Variants in MDGA2 observed in about 807,000 individuals in gnomAD.
The protein encoded by MDGA2 is MAM domain containing glycosylphosphatidylinositol anchor 2.
In MDGA2, 40 loss-of-function variants were observed where a neutral mutation model predicts 117.8. The observed-to-expected ratio is 0.34, with a 90% confidence interval of 0.26 to 0.44. MDGA2 has a LOEUF of 0.44. Among genes scored for constraint, MDGA2 ranks in the 20% least tolerant of loss-of-function variants. MDGA2 has a pLI of 1.00. For missense variants in MDGA2, 1,123 were observed against 1,250.6 expected (o/e 0.90, Z 1.54); for synonymous variants, 452 against 439.0 (o/e 1.03, Z -0.37).
chr14:47,644,147 G>A (rs1264702113), intron 1 of MDGA2, among the ~76,000 whole-genome samples: 1 of 152,058 alleles, frequency 6.6e-6, no homozygotes, highest in African/African-American at 2.4e-5. Context: ...CAGAATAATG[G>A]CCCCCAAAGA....
chr14:47,096,548 T>C (rs1879979585), intron 6 of MDGA2, among the ~76,000 whole-genome samples: 1 of 152,022 alleles, frequency 6.6e-6, no homozygotes. Flanking sequence ...GTGAATGTTT[T>C]ATGCTGCAAG....
chr14:47,320,088 C>A (rs1281539821), intron 1 of MDGA2, among the ~76,000 whole-genome samples: 1 of 152,114 alleles, frequency 6.6e-6, no homozygotes, highest in African/African-American at 2.4e-5. Context: ...TTCCTTACAG[C>A]CCTCAGAAGA....
chr14:47,353,290 A>C (rs1830960448), intron 1 of MDGA2, among the ~76,000 whole-genome samples: 1 of 152,208 alleles, frequency 6.6e-6, no homozygotes, highest in African/African-American at 2.4e-5. Flanking sequence ...ACTTTCTAGA[A>C]GGGAAAGTCC....
chr14:47,471,062 A>T (rs1441570793), intron 1 of MDGA2, among the ~76,000 whole-genome samples: 1 of 152,114 alleles, frequency 6.6e-6, no homozygotes, highest in Non-Finnish European at 1.5e-5. Flanking sequence ...GTGAGGTTGT[A>T]AATTATACTC....
At chr14:46,954,361 T>C (rs1885482810) in intron 9 of MDGA2, among the ~76,000 whole-genome samples, 1 of 152,008 alleles carries the variant, frequency 6.6e-6, no homozygotes, top group Non-Finnish European at 1.5e-5. Context: ...TTGTAAAGTG[T>C]ATTTGTTATC....
At position 47,671,114 on chromosome 14, in the gene MDGA2, T is replaced by C. The variant is rs1186136049; in HGVS notation, c.280+3403A>G. On this transcript the variant is annotated intron_variant, in intron 1 of 16. Transcript: ENST00000399232. ...TAAAGTACAAATCCCACTTAAAAAA[T>C]TTATAGGACAGAATTATTGGTGGAA... Among the ~76,000 whole-genome samples the C allele has an allele frequency of 2.0e-5, 3 of 152,264 alleles. No individual in the cohort carries two copies. The East Asian group carries it at 5.8e-4, about 29-fold the overall frequency.
chr14:47,377,417 G>A (rs1391522940), intron 1 of MDGA2, among the ~76,000 whole-genome samples: 4 of 152,128 alleles, frequency 2.6e-5, no homozygotes, highest in African/African-American at 4.8e-5. Context: ...GTGGGGCATC[G>A]CCTCATCCGG....
chr14:47,324,767 T>G (rs551039971), intron 1 of MDGA2, among the ~76,000 whole-genome samples: 1 of 152,230 alleles, frequency 6.6e-6, no homozygotes, highest in African/African-American at 2.4e-5. Flanking sequence ...TTGATTTCTA[T>G]TAGTGATTAT....
intron 14 of MDGA2, among the ~76,000 whole-genome samples, chr14:46,863,481 C>T (rs556097882): frequency 7.9e-5 from 12 of 152,074 alleles, no homozygotes; most frequent in Non-Finnish European, 1.5e-4. Flanking sequence ...GAATTCAAAC[C>T]TAAGGGTAAA....
At chr14:47,137,808 A>C (rs1214434431) in intron 4 of MDGA2, among the ~76,000 whole-genome samples, 17 of 152,190 alleles carry the variant, frequency 1.1e-4, no homozygotes, top group Admixed American at 2.0e-4. Context: ...TGGTTCAGCT[A>C]TCATGGGATT....
At chr14:47,307,757 C>T (rs1889502467) in intron 1 of MDGA2, among the ~76,000 whole-genome samples, 3 of 151,914 alleles carry the variant, frequency 2.0e-5, no homozygotes, top group Admixed American at 6.6e-5. Context: ...GTTTTGGATG[C>T]TGATGGTGAG....
intron 9 of MDGA2, among the ~76,000 whole-genome samples, chr14:46,923,510 A>G (rs1006969455): frequency 3.3e-5 from 5 of 152,046 alleles, no homozygotes; most frequent in Non-Finnish European, 7.4e-5. Context: ...GAATAATCAT[A>G]TTACTTGGAA....
At chr14:47,426,900 G>T (rs1289035155) in intron 1 of MDGA2, among the ~76,000 whole-genome samples, 2 of 151,726 alleles carry the variant, frequency 1.3e-5, no homozygotes, top group African/African-American at 4.8e-5. Flanking sequence ...AGCAAGCTTT[G>T]GAATTCTCTA....
intron 14 of MDGA2, among the ~76,000 whole-genome samples, chr14:46,865,564 T>G (rs912366643): frequency 5.3e-5 from 8 of 152,028 alleles, no homozygotes; most frequent in African/African-American, 1.7e-4. Context: ...GAGAAGGAAA[T>G]AAAGGGTATT....
intron 9 of MDGA2, among the ~76,000 whole-genome samples, chr14:46,928,393 T>C (rs1252757038): frequency 6.6e-6 from 1 of 152,174 alleles, no homozygotes; most frequent in Non-Finnish European, 1.5e-5. Context: ...AAAGGAAGTC[T>C]TGCCCAGTCA....
At chr14:47,439,766 T>C (rs963468232) in intron 1 of MDGA2, among the ~76,000 whole-genome samples, 6 of 151,638 alleles carry the variant, frequency 4.0e-5, no homozygotes, top group Non-Finnish European at 5.9e-5. Context: ...GGGATTATGG[T>C]TGTATGTACT....
At chr14:47,609,821 T>C (rs1229508640) in intron 1 of MDGA2, among the ~76,000 whole-genome samples, 1 of 151,882 alleles carries the variant, frequency 6.6e-6, no homozygotes, top group Non-Finnish European at 1.5e-5. Context: ...CTATTGACAC[T>C]ATTCCACAAG....
At position 46,999,756 on chromosome 14, in the gene MDGA2, G is replaced by A. The variant is rs181995377; in HGVS notation, c.1819+35255C>T. On this transcript the variant is annotated intron_variant, in intron 8 of 16. Coordinates refer to ENST00000399232, the MANE Select transcript of MDGA2 (RefSeq NM_001113498.3). ...ACCCCCTTTTCTCTGGATTATCTTT[G>A]TGGGTATCAAACTTCATTCTGAAAT... Among the ~76,000 whole-genome samples the A allele has an allele frequency of 2.9e-3, 439 of 152,176 alleles. 3 individuals are homozygous for A. The highest frequency in any genetic ancestry group is 0.01 in the African/African-American group (416 of 41,552).
intron 10 of MDGA2, among the ~76,000 whole-genome samples, chr14:46,894,063 A>G (rs1326999568): frequency 1.3e-5 from 2 of 152,088 alleles, no homozygotes; most frequent in Admixed American, 6.6e-5. Context: ...TTTACTAAGA[A>G]AAACGAAAAG....
Sources: allele counts gnomAD v4.1 joint callset (sites outside exome capture counted in the v4.1 genomes callset), GRCh38; gene constraint gnomAD v4.1.1; transcripts MANE v1.5; gene names NCBI Gene and HGNC (gene_info 2026-07-23, HGNC 2026-07-21).